Variants in KCNMB2 observed in about 807,000 individuals in gnomAD.
KCNMB2 encodes calcium-activated potassium channel subunit beta-2.
A neutral mutation model predicts 24.5 loss-of-function variants in KCNMB2; 9 were observed. The ratio of observed to expected loss-of-function variants is 0.37; its 90% CI spans 0.22 to 0.64. The LOEUF is 0.64. KCNMB2 is among the 30% of genes least tolerant of loss of function. The pLI is 0.63. For missense variants in KCNMB2, 226 were observed against 284.3 expected (o/e 0.79, Z 1.47); for synonymous variants, 109 against 104.4 (o/e 1.04, Z -0.27).
intron 1 of KCNMB2, among the ~76,000 whole-genome samples, chr3:178,551,164 T>A (rs949582633): frequency 6.6e-6 from 1 of 152,150 alleles, no homozygotes; most frequent in Non-Finnish European, 1.5e-5. Context: ...AAAGGGCCGG[T>A]GAGGATGAAG....
intron 2 of KCNMB2, among the ~76,000 whole-genome samples, chr3:178,818,866 C>A (rs1469369682): frequency 6.6e-6 from 1 of 152,106 alleles, no homozygotes; most frequent in East Asian, 1.9e-4. Flanking sequence ...CATTCCCTGC[C>A]CACAATATCC....
chr3:178,613,651 C>T (rs1411732246), intron 1 of KCNMB2, among the ~76,000 whole-genome samples: 2 of 152,174 alleles, frequency 1.3e-5, no homozygotes, highest in African/African-American at 2.4e-5. Flanking sequence ...ATGCCACTCT[C>T]TCCTGCACTG....
In KCNMB2 at chr3:178,825,719, T is replaced by C; in HGVS notation, c.188T>C (p.Phe63Ser). The C allele has an allele frequency of 6.2e-7, 1 of 1,613,850 alleles. No homozygotes were observed. The highest frequency in any genetic ancestry group is 8.5e-7 in the Non-Finnish European group (1 of 1,179,824). ...AMMVCSIMMY[F>S]LLGITLLRSY... ...ATGGTGTGCTCCATCATGATGTATT[T>C]TCTGCTGGGAATCACACTCCTGCGC... The change falls in exon 3 of 5, where the codon TTT becomes TCT. Residue 63 changes from phenylalanine (F) to serine (S), a missense_variant. Transcript: ENST00000452583.
At chr3:178,795,748 G>C (rs1713514470) in intron 1 of KCNMB2, among the ~76,000 whole-genome samples, 1 of 152,126 alleles carries the variant, frequency 6.6e-6, no homozygotes, top group Non-Finnish European at 1.5e-5. Flanking sequence ...GCAGTGATTT[G>C]TTGTAAGTTG....
intron 1 of KCNMB2, among the ~76,000 whole-genome samples, chr3:178,755,735 C>A (rs1468558872): frequency 6.6e-6 from 1 of 152,156 alleles, no homozygotes; most frequent in Non-Finnish European, 1.5e-5. Flanking sequence ...GGAAATTTGA[C>A]AAATTTAATT....
rs1716251647 is a variant in KCNMB2, at chr3:178,559,796, T to C, written c.-68+23085T>C. On this transcript the variant is annotated intron_variant, in intron 1 of 4. Coordinates refer to ENST00000452583, the MANE Select transcript of KCNMB2 (RefSeq NM_181361.3). ...TCCACTTTGCGAAAATGATTATTAA[T>C]AGCCTGACTGCAAAATTGTTTAAGA... is the stretch of plus-strand genomic sequence containing the variant. 2.0e-5 allele frequency among the ~76,000 whole-genome samples: 3 copies of C among 150,954 alleles called. No individual in the cohort carries two copies. In the South Asian group the frequency reaches 6.3e-4, roughly 32 times the overall value.
rs554097577 is a variant in KCNMB2 at position 178,565,060 on chromosome 3, TATC to T, written c.-68+28352_-68+28354del. Reference sequence around the variant, plus strand: ...AGTATAAAAATCAAAAATACAAAAATATCATAAGTAGAAAAATTAACTTTTTAT... The same window carrying T: ...AGTATAAAAATCAAAAATACAAAAATATAAGTAGAAAAATTAACTTTTTAT... On this transcript the variant is annotated intron_variant, in intron 1 of 4. Coordinates refer to ENST00000452583, the MANE Select transcript of KCNMB2 (RefSeq NM_181361.3). Among the ~76,000 whole-genome samples the T allele has an allele frequency of 1.6e-3, 237 of 152,224 alleles. 2 individuals are homozygous for T. The highest frequency in any genetic ancestry group is 5.5e-3 in the African/African-American group (227 of 41,550).
At chr3:178,727,281 C>A (rs1348488987) in intron 1 of KCNMB2, among the ~76,000 whole-genome samples, 21 of 152,088 alleles carry the variant, frequency 1.4e-4, no homozygotes, top group African/African-American at 5.1e-4. Flanking sequence ...CCCCTATATA[C>A]CTGAATAATT....
chr3:178,607,827 A>G (rs112643529), intron 1 of KCNMB2, among the ~76,000 whole-genome samples: 1 of 152,148 alleles, frequency 6.6e-6, no homozygotes, highest in African/African-American at 2.4e-5. Context: ...GTCATTTAAA[A>G]TGAGATTTTC....
chr3:178,735,489 T>C (rs1723286399), intron 1 of KCNMB2, among the ~76,000 whole-genome samples: 1 of 152,266 alleles, frequency 6.6e-6, no homozygotes, highest in South Asian at 2.1e-4. Context: ...GAGTCCTGGC[T>C]AAGGGGTTGA....
intron 1 of KCNMB2, among the ~76,000 whole-genome samples, chr3:178,784,081 T>A (rs1053719684): frequency 3.3e-5 from 5 of 152,198 alleles, no homozygotes; most frequent in African/African-American, 1.2e-4. Context: ...AACAACTGTC[T>A]CTATTGGCTG....
intron 3 of KCNMB2, among the ~76,000 whole-genome samples, chr3:178,827,956 G>A (rs1299779016): frequency 1.3e-5 from 2 of 152,220 alleles, no homozygotes; most frequent in Admixed American, 1.3e-4. Flanking sequence ...ATATCCAATG[G>A]AAGTCATTGA....
At chr3:178,675,979 T>C (rs1486008387) in intron 1 of KCNMB2, among the ~76,000 whole-genome samples, 1 of 152,208 alleles carries the variant, frequency 6.6e-6, no homozygotes, top group Non-Finnish European at 1.5e-5. Context: ...ACCCGCACTC[T>C]GAAGATGAGA....
intron 1 of KCNMB2, among the ~76,000 whole-genome samples, chr3:178,783,291 A>G (rs1304196957): frequency 6.7e-6 from 1 of 149,140 alleles, no homozygotes; most frequent in Non-Finnish European, 1.5e-5. Context: ...TTTTGGTTCC[A>G]TATGAACTTT....
chr3:178,777,251 T>C (rs941654251), intron 1 of KCNMB2, among the ~76,000 whole-genome samples: 3 of 151,938 alleles, frequency 2.0e-5, no homozygotes, highest in Non-Finnish European at 4.4e-5. Context: ...CTGGCCAACA[T>C]TGTGAAATCC....
chr3:178,618,252 T>C (rs1718784676), intron 1 of KCNMB2, among the ~76,000 whole-genome samples: 1 of 152,208 alleles, frequency 6.6e-6, no homozygotes, highest in Non-Finnish European at 1.5e-5. Context: ...TTCTAGTTAT[T>C]ACCATTAACA....
At chr3:178,820,225 T>C (rs1468126605) in intron 2 of KCNMB2, among the ~76,000 whole-genome samples, 2 of 152,244 alleles carry the variant, frequency 1.3e-5, no homozygotes, top group African/African-American at 2.4e-5. Flanking sequence ...TTTTTGGGAA[T>C]TAGCCATTGA....
Position 178,842,945 on chromosome 3 carries a change from A to T in KCNMB2, c.*8A>T. 6.3e-7 allele frequency: 1 copy of T among 1,586,664 alleles called. No homozygotes were observed. The highest frequency in any genetic ancestry group is 8.6e-7 in the Non-Finnish European group (1 of 1,165,686). ...CAACGGATCAATAGATAAATGCAAA[A>T]ATGGATAAAATAATTTTTGTTAAAG... On this transcript the variant is annotated 3_prime_UTR_variant, in exon 5 of 5. Coordinates refer to ENST00000452583, the MANE Select transcript of KCNMB2 (RefSeq NM_181361.3).
intron 2 of KCNMB2, among the ~76,000 whole-genome samples, chr3:178,823,088 T>A (rs1369268786): frequency 6.6e-6 from 1 of 152,248 alleles, no homozygotes; most frequent in Non-Finnish European, 1.5e-5. Flanking sequence ...AGAAAAGCTT[T>A]CAGCCCACTG....
Sources: allele counts gnomAD v4.1 joint callset (sites outside exome capture counted in the v4.1 genomes callset), GRCh38; gene constraint gnomAD v4.1.1; transcripts MANE v1.5; gene names NCBI Gene and HGNC (gene_info 2026-07-23, HGNC 2026-07-21).